CCDC126: variants seen among roughly 807,000 people sequenced by gnomAD.
CCDC126 encodes the protein coiled-coil domain containing 126, also known as coiled-coil domain-containing protein 126.
A neutral mutation model predicts 11.7 loss-of-function variants in CCDC126; 5 were observed. The observed-to-expected ratio is 0.43, with a 90% CI of 0.22 to 0.90. The LOEUF (loss-of-function observed/expected upper bound fraction) is 0.90. CCDC126 is among the 40% of genes least tolerant of loss of function. CCDC126 has a pLI of 0.27. For synonymous variants in CCDC126, 60 were observed against 61.9 expected, an observed-to-expected ratio of 0.97 and a Z score of 0.14; for missense variants, 150 against 163.1, an observed-to-expected ratio of 0.92 and a Z score of 0.44.
chr7:23,618,314 A>G (rs1782828851), intron 3 of CCDC126, among the ~76,000 whole-genome samples: 1 of 152,056 alleles, frequency 6.6e-6, no homozygotes, highest in Admixed American at 6.6e-5. Context: ...CCAACTCTCT[A>G]ATCACATGGT....
At chr7:23,642,237 C>A (rs572142624) in intron 3 of CCDC126, among the ~76,000 whole-genome samples, 17 of 151,998 alleles carry the variant, frequency 1.1e-4, no homozygotes, top group Non-Finnish European at 2.4e-4. Flanking sequence ...TGGTCTCAAT[C>A]TCCTGACCTC....
intron 3 of CCDC126, among the ~76,000 whole-genome samples, chr7:23,614,322 T>C (rs1252528866): frequency 6.6e-6 from 1 of 152,232 alleles, no homozygotes; most frequent in East Asian, 1.9e-4. Flanking sequence ...TTCTTTGCTC[T>C]TCCGTAAGAG....
intron 3 of CCDC126, among the ~76,000 whole-genome samples, chr7:23,621,778 T>A (rs1023726618): frequency 6.6e-6 from 1 of 152,096 alleles, no homozygotes; most frequent in Non-Finnish European, 1.5e-5. Context: ...TTATTGAGAG[T>A]TTTTAGCATG....
intron 3 of CCDC126, among the ~76,000 whole-genome samples, chr7:23,638,120 C>A (rs768646045): frequency 0.027 from 3,958 of 145,648 alleles, 134 homozygotes; most frequent in African/African-American, 0.096. Flanking sequence ...CCCGGCCAGC[C>A]GCCCCATCCG....
chr7:23,602,953 G>A (rs1327196773), intron 2 of CCDC126, among the ~76,000 whole-genome samples: 3 of 152,178 alleles, frequency 2.0e-5, no homozygotes, highest in Non-Finnish European at 2.9e-5. Context: ...GCACATGGTA[G>A]GTACTTTGCT....
At chr7:23,612,272 C>G (rs914688858) in intron 3 of CCDC126, among the ~76,000 whole-genome samples, 2 of 151,082 alleles carry the variant, frequency 1.3e-5, no homozygotes, top group African/African-American at 4.9e-5. Context: ...GCCTAGTAGC[C>G]TAGGCAACAT....
At chr7:23,614,324 C>T (rs1782762400) in intron 3 of CCDC126, among the ~76,000 whole-genome samples, 1 of 152,214 alleles carries the variant, frequency 6.6e-6, no homozygotes, top group East Asian at 1.9e-4. Context: ...CTTTGCTCTT[C>T]CGTAAGAGCA....
intron 3 of CCDC126, among the ~76,000 whole-genome samples, chr7:23,623,587 CTG>C (rs1782963029): frequency 8.2e-6 from 1 of 121,410 alleles, no homozygotes. Flanking sequence ...CAGAGTGAGA[CTG>C]TCTCAAAAAA....
In CCDC126 at chr7:23,623,166, T is replaced by C. The variant is rs1184834086; in HGVS notation, c.238+11613T>C. ...TTTTTTTTTTTTTTTTTGGTATTTT[T>C]AGTAGAGACAAAAACTTTTGTATTT... On this transcript the variant is annotated intron_variant, in intron 3 of 3. Coordinates refer to ENST00000307471, the MANE Select transcript of CCDC126 (RefSeq NM_138771.4). Among the ~76,000 whole-genome samples the C allele has an allele frequency of 3.3e-5, 5 of 151,060 alleles. No homozygotes were observed. The East Asian group carries it at 9.7e-4, about 29-fold the overall frequency.
intron 2 of CCDC126, among the ~76,000 whole-genome samples, chr7:23,609,682 C>T (rs1782674532): frequency 6.6e-6 from 1 of 151,886 alleles, no homozygotes; most frequent in African/African-American, 2.4e-5. Context: ...AGCCTGGCAA[C>T]ATGGCAAAAG....
intron 3 of CCDC126, among the ~76,000 whole-genome samples, chr7:23,633,014 C>T (rs1160718074): frequency 2.0e-5 from 3 of 151,732 alleles, no homozygotes; most frequent in African/African-American, 7.3e-5. Flanking sequence ...TTTTTTGAGA[C>T]GGAGTTTCGC....
rs1371648172 is a variant in CCDC126 at position 23,637,979 on chromosome 7, CCCGCCCGG to C, written c.239-4949_239-4942del. Among the ~76,000 whole-genome samples the C allele has an allele frequency of 2.4e-5, 3 of 126,972 alleles. No individual in the cohort carries two copies. The East Asian group carries it at 7.9e-4, about 33-fold the overall frequency. The allele number at this position is 126,972 out of a possible 152,430, so 83.3% of individuals were successfully genotyped here. A position where few individuals can be genotyped will look rare whatever the true frequency, so the allele number is the denominator to read the frequency against. ...GGGAGGGAGGTGGGGGGGTCAGCCC[CCCGCCCGG>C]CCAGCCGCCCTATCCAGGAGGTGAG... On this transcript the variant is annotated intron_variant, in intron 3 of 3. Coordinates refer to ENST00000307471, the MANE Select transcript of CCDC126 (RefSeq NM_138771.4).
chr7:23,634,705 G>C (rs967233122), intron 3 of CCDC126, among the ~76,000 whole-genome samples: 1 of 152,202 alleles, frequency 6.6e-6, no homozygotes, highest in Non-Finnish European at 1.5e-5. Context: ...GAGGAATTTG[G>C]AAAGTAGGAG....
chr7:23,604,866 C>T (rs1241144084), intron 2 of CCDC126, among the ~76,000 whole-genome samples: 2 of 151,708 alleles, frequency 1.3e-5, no homozygotes, highest in Non-Finnish European at 2.9e-5. Flanking sequence ...GGTGTGGTGG[C>T]GGGCGCCTGT....
At chr7:23,629,917 G>T (rs754773433) in intron 3 of CCDC126, among the ~76,000 whole-genome samples, 7 of 152,132 alleles carry the variant, frequency 4.6e-5, no homozygotes, top group Non-Finnish European at 7.4e-5. Flanking sequence ...AGCAATTGAA[G>T]AAATGCTGTA....
chr7:23,617,586 A>G (rs1339970926), intron 3 of CCDC126, among the ~76,000 whole-genome samples: 3 of 151,914 alleles, frequency 2.0e-5, no homozygotes, highest in Non-Finnish European at 4.4e-5. Context: ...TTCTTTGGGT[A>G]TATCCTTAAT....
intron 3 of CCDC126, among the ~76,000 whole-genome samples, chr7:23,628,261 G>T (rs566045016): frequency 1.2e-3 from 176 of 152,234 alleles, no homozygotes; most frequent in African/African-American, 4.0e-3. Flanking sequence ...TAAGACTCTG[G>T]AGGAGAAAAA....
chr7:23,607,453 A>G (rs1210567399), intron 2 of CCDC126, among the ~76,000 whole-genome samples: 1 of 152,220 alleles, frequency 6.6e-6, no homozygotes, highest in Non-Finnish European at 1.5e-5. Context: ...GCACAGAAAG[A>G]AAGGACATTG....
At chr7:23,634,684 G>A (rs1783176267) in intron 3 of CCDC126, among the ~76,000 whole-genome samples, 1 of 152,166 alleles carries the variant, frequency 6.6e-6, no homozygotes, top group Non-Finnish European at 1.5e-5. Flanking sequence ...TTCAGCCAGT[G>A]GGAGGTATGG....
Sources: gnomAD v4.1 joint callset for allele counts (sites outside exome capture counted in the v4.1 genomes callset) on GRCh38, gnomAD v4.1.1 for gene constraint, MANE v1.5 for transcripts, NCBI Gene and HGNC (gene_info 2026-07-23, HGNC 2026-07-21) for gene names.